The following CADM2 variants were observed in gnomAD, a reference collection of about 807,000 sequenced individuals.
CADM2 encodes the protein cell adhesion molecule 2.
CADM2 carries 12 observed loss-of-function variants against 49.8 expected under a neutral mutation model. That is an observed-to-expected ratio of 0.24 (90% confidence interval 0.15 to 0.39). The LOEUF (loss-of-function observed/expected upper bound fraction) is 0.39, where lower values mean the gene tolerates loss of function less well. Ranked by LOEUF, CADM2 falls within the 10% of genes least tolerant of loss-of-function variation. The pLI is 1.00. For synonymous variants in CADM2, 214 were observed against 175.4 expected (o/e 1.22, Z -1.74); for missense variants, 378 against 492.3 (o/e 0.77, Z 2.20).
Position 85,669,181 on chromosome 3 carries a change from T to C in CADM2, c.62-57341T>C, listed in dbSNP as rs151182226. On this transcript the variant is annotated intron_variant, in intron 1 of 9. Coordinates refer to ENST00000383699, the MANE Select transcript of CADM2 (RefSeq NM_001167675.2). ...CTTGTTTTAAGGAAAGTTTCTTTCT[T>C]CCATAATTGGTAAGATAAAAAAAAA... 6.4e-3 allele frequency among the ~76,000 whole-genome samples: 973 copies of C among 150,942 alleles called. 48 individuals carry two copies. In the South Asian group the frequency reaches 0.11, roughly 17 times the overall value.
chr3:85,224,370 A>G (rs1423887772), intron 1 of CADM2, among the ~76,000 whole-genome samples: 2 of 152,140 alleles, frequency 1.3e-5, no homozygotes, highest in Non-Finnish European at 2.9e-5. Flanking sequence ...GCATTTTTTC[A>G]TAAGTTTGTT....
chr3:85,274,485 A>T (rs749003965), intron 1 of CADM2, among the ~76,000 whole-genome samples: 1 of 151,306 alleles, frequency 6.6e-6, no homozygotes, highest in Non-Finnish European at 1.5e-5. Context: ...ATTCATTAAG[A>T]GGAAGGATGT....
chr3:85,180,435 G>A (rs928957051), intron 1 of CADM2, among the ~76,000 whole-genome samples: 1 of 150,388 alleles, frequency 6.6e-6, no homozygotes, highest in Non-Finnish European at 1.5e-5. Flanking sequence ...CTTGAGACCA[G>A]GAGGTGGAGG....
rs149363475 is a variant in CADM2 at position 85,025,902 on chromosome 3, G to T, written c.61+66234G>T. ...CGGTAGCTCTTCTTTTAGTGGGTGA[G>T]AAAAATTAGGTCCATAAACGTGAAA... On this transcript the variant is annotated intron_variant, in intron 1 of 9. Coordinates refer to ENST00000383699, the MANE Select transcript of CADM2 (RefSeq NM_001167675.2). Among the ~76,000 whole-genome samples, 842 of 152,042 alleles carry T rather than the reference G, an allele frequency of 5.5e-3. 10 individuals are homozygous for T. The highest frequency in any genetic ancestry group is 0.019 in the African/African-American group (790 of 41,512).
intron 5 of CADM2, among the ~76,000 whole-genome samples, chr3:85,907,597 G>A (rs1191676943): frequency 6.6e-6 from 1 of 152,032 alleles, no homozygotes; most frequent in Non-Finnish European, 1.5e-5. Context: ...CAGGATCCAG[G>A]GAAAGTATTT....
intron 2 of CADM2, among the ~76,000 whole-genome samples, chr3:85,792,877 C>A (rs565696645): frequency 1.3e-5 from 2 of 152,264 alleles, no homozygotes; most frequent in South Asian, 4.1e-4. Context: ...TCTAAGGTTA[C>A]ATCATAGCCT....
At chr3:86,000,507 G>C (rs1001060798) in intron 8 of CADM2, among the ~76,000 whole-genome samples, 2 of 152,040 alleles carry the variant, frequency 1.3e-5, no homozygotes, top group African/African-American at 4.8e-5. Context: ...AAAATATATA[G>C]AGTTCTCTGA....
At chr3:85,547,068 T>G (rs566427126) in intron 1 of CADM2, among the ~76,000 whole-genome samples, 1 of 148,514 alleles carries the variant, frequency 6.7e-6, no homozygotes, top group Non-Finnish European at 1.5e-5. Flanking sequence ...CAAAATATAT[T>G]ATGTTGAATT....
At chr3:85,116,374 T>C (rs2038638629) in intron 1 of CADM2, among the ~76,000 whole-genome samples, 1 of 152,130 alleles carries the variant, frequency 6.6e-6, no homozygotes, top group Admixed American at 6.6e-5. Flanking sequence ...GCACATCTGC[T>C]TGCTCTTGTG....
At chr3:85,271,495 C>T (rs1012048145) in intron 1 of CADM2, among the ~76,000 whole-genome samples, 1 of 151,162 alleles carries the variant, frequency 6.6e-6, no homozygotes, top group Non-Finnish European at 1.5e-5. Context: ...CCCAAATCCT[C>T]CAACCTATTT....
chr3:85,959,142 A>ATCTC (rs1324091185), intron 7 of CADM2, among the ~76,000 whole-genome samples: 31 of 103,788 alleles, frequency 3.0e-4, no homozygotes, highest in African/African-American at 1.7e-3. Context: ...GTATATCTTT[A>ATCTC]TCTATCTATC....
intron 1 of CADM2, among the ~76,000 whole-genome samples, chr3:85,441,948 T>C (rs1222443475): frequency 6.6e-6 from 1 of 152,142 alleles, no homozygotes; most frequent in East Asian, 1.9e-4. Flanking sequence ...ATAAATTAGC[T>C]AAAAATAAAT....
intron 1 of CADM2, among the ~76,000 whole-genome samples, chr3:85,341,284 G>A (rs1449662567): frequency 6.6e-6 from 1 of 151,622 alleles, no homozygotes; most frequent in Non-Finnish European, 1.5e-5. Flanking sequence ...GAAATAAGGA[G>A]GAAATGAAAT....
At chr3:85,763,656 C>T (rs1345362386) in intron 2 of CADM2, among the ~76,000 whole-genome samples, 3 of 152,160 alleles carry the variant, frequency 2.0e-5, no homozygotes, top group African/African-American at 4.8e-5. Context: ...TCCTGCTAAA[C>T]GTTATCCATC....
At chr3:85,288,609 G>T (rs1190814957) in intron 1 of CADM2, among the ~76,000 whole-genome samples, 1 of 151,994 alleles carries the variant, frequency 6.6e-6, no homozygotes, top group African/African-American at 2.4e-5. Context: ...TCAAATAATT[G>T]CATGGTAGGA....
chr3:85,898,035 GA>G (rs143054808), intron 5 of CADM2, among the ~76,000 whole-genome samples: 6,492 of 151,578 alleles, frequency 0.043, 485 homozygotes, highest in African/African-American at 0.15. Flanking sequence ...TATTAAGTGA[GA>G]AAAAAAAATT....
intron 1 of CADM2, among the ~76,000 whole-genome samples, chr3:85,538,801 G>A (rs1023209218): frequency 6.6e-6 from 1 of 152,094 alleles, no homozygotes; most frequent in Non-Finnish European, 1.5e-5. Context: ...TCTGATGTGG[G>A]AAGTGAGAGA....
chr3:85,987,529 A>T (rs551178147), intron 8 of CADM2, among the ~76,000 whole-genome samples: 1 of 149,772 alleles, frequency 6.7e-6, no homozygotes, highest in Non-Finnish European at 1.5e-5. Flanking sequence ...AAAGAAAAAA[A>T]GTTCCCCAGT....
intron 1 of CADM2, among the ~76,000 whole-genome samples, chr3:85,181,587 C>T (rs995848805): frequency 6.6e-5 from 10 of 151,852 alleles, no homozygotes; most frequent in South Asian, 2.1e-4. Context: ...AAAACTTTAG[C>T]GGGGAAGTTT....
Sources: gnomAD v4.1 joint callset for allele counts (sites outside exome capture counted in the v4.1 genomes callset) on GRCh38, gnomAD v4.1.1 for gene constraint, MANE v1.5 for transcripts, NCBI Gene and HGNC (gene_info 2026-07-23, HGNC 2026-07-21) for gene names.